The following PCMT1 variants were observed in gnomAD, a reference collection of about 807,000 sequenced individuals.
PCMT1 encodes the protein protein-L-isoaspartate(D-aspartate) O-methyltransferase.
PCMT1 carries 9 observed loss-of-function variants against 29.2 expected under a neutral mutation model. That is an observed-to-expected ratio of 0.31 (90% confidence interval 0.19 to 0.54). The LOEUF (loss-of-function observed/expected upper bound fraction) is 0.54, where lower values mean the gene tolerates loss of function less well. Among genes scored for constraint, PCMT1 ranks in the 20% least tolerant of loss-of-function variants. The probability of loss-of-function intolerance (pLI) is 0.95; values close to 1 mark genes in which losing one functional copy is unlikely to be tolerated. For synonymous variants in PCMT1, 98 were observed against 97.5 expected (o/e 1.00, Z -0.03); for missense variants, 184 against 282.2 (o/e 0.65, Z 2.49).
At chr6:149,789,327 CA>C (rs1394738408) in intron 3 of PCMT1, among the ~76,000 whole-genome samples, 10 of 152,034 alleles carry the variant, frequency 6.6e-5, no homozygotes, top group African/African-American at 2.4e-4. Context: ...CTACCTGCCT[CA>C]GCCTCCCAAA....
At chr6:149,779,703 A>C (rs1454183561) in intron 3 of PCMT1, among the ~76,000 whole-genome samples, 1 of 152,112 alleles carries the variant, frequency 6.6e-6, no homozygotes, top group African/African-American at 2.4e-5. Context: ...CCAGCTACTC[A>C]GGAGCCTGAG....
intron 5 of PCMT1, among the ~76,000 whole-genome samples, chr6:149,794,449 C>T (rs901357017): frequency 1.3e-5 from 2 of 152,074 alleles, no homozygotes; most frequent in Non-Finnish European, 2.9e-5. Flanking sequence ...GAAACTCCGT[C>T]TCTACTAAAA....
chr6:149,799,887 G>T (rs1788756612), intron 6 of PCMT1, among the ~76,000 whole-genome samples: 1 of 152,132 alleles, frequency 6.6e-6, no homozygotes, highest in Non-Finnish European at 1.5e-5. Context: ...AACTAGAAAT[G>T]ATTTTAATAA....
rs527747421 is a variant in PCMT1, at chr6:149,779,070, G to A, written c.192+5901G>A. On this transcript the variant is annotated intron_variant, in intron 3 of 7. Coordinates refer to ENST00000464889, the MANE Select transcript of PCMT1 (RefSeq NM_001360452.2). The stretch of plus-strand genomic sequence containing the variant: ...ACCCCCCCACTCTGGTGCGGGGCCC[G>A]GGTTGAGAGAGAATATTAACTGCTT... 1.2e-4 allele frequency among the ~76,000 whole-genome samples: 19 copies of A among 152,156 alleles called. No individual in the cohort carries two copies. In the South Asian group the frequency reaches 2.5e-3, roughly 20 times the overall value.
At chr6:149,765,798 C>A (rs529056767) in intron 1 of PCMT1, 89 of 224,600 alleles carry the variant, frequency 4.0e-4, no homozygotes, top group African/African-American at 1.9e-3. Flanking sequence ...GAAACTCTGC[C>A]TGTACTAAAA....
intron 1 of PCMT1, among the ~76,000 whole-genome samples, chr6:149,753,044 C>T (rs968842514): frequency 6.6e-6 from 1 of 151,944 alleles, no homozygotes; most frequent in African/African-American, 2.4e-5. Flanking sequence ...GTTGTTTAGC[C>T]TCTTTTGTAA....
intron 1 of PCMT1, among the ~76,000 whole-genome samples, chr6:149,766,098 T>C (rs1261170139): frequency 6.6e-6 from 1 of 152,124 alleles, no homozygotes; most frequent in Non-Finnish European, 1.5e-5. Flanking sequence ...CTCCTCCCAT[T>C]GTTTTTAGTT....
intron 1 of PCMT1, among the ~76,000 whole-genome samples, chr6:149,767,547 A>G (rs62441303): frequency 0.54 from 80,970 of 150,990 alleles, 24,783 homozygotes; most frequent in East Asian, 0.83. Flanking sequence ...TGACCTCCCA[A>G]GCTCAAGCAA....
chr6:149,773,454 C>T (rs189714682), intron 3 of PCMT1, among the ~76,000 whole-genome samples: 9 of 152,316 alleles, frequency 5.9e-5, no homozygotes, highest in Admixed American at 2.6e-4. Context: ...TCTCGGCTCA[C>T]TGCAACCTCC....
At chr6:149,750,000 G>C in intron 1 of PCMT1, 44 bp downstream of exon 1, 2 of 1,580,080 alleles carry the variant, frequency 1.3e-6, no homozygotes, top group African/African-American at 2.7e-5. Context: ...GGGGCAGGCT[G>C]GGCCTGGACC....
At chr6:149,784,835 C>T (rs1024691223) in intron 3 of PCMT1, among the ~76,000 whole-genome samples, 1 of 152,154 alleles carries the variant, frequency 6.6e-6, no homozygotes, top group South Asian at 2.1e-4. Context: ...TCCCTGGATA[C>T]TTTATTATAA....
At chr6:149,794,585 T>TACAA (rs1174234278) in intron 5 of PCMT1, among the ~76,000 whole-genome samples, 6 of 152,044 alleles carry the variant, frequency 3.9e-5, no homozygotes, top group Non-Finnish European at 5.9e-5. Flanking sequence ...ACCACTGAAC[T>TACAA]ACAGTCTGGC....
At chr6:149,777,040 A>G (rs1474395892) in intron 3 of PCMT1, among the ~76,000 whole-genome samples, 1 of 152,182 alleles carries the variant, frequency 6.6e-6, no homozygotes, top group Non-Finnish European at 1.5e-5. Flanking sequence ...ATGTCCACAA[A>G]TGGTGGATGG....
At chr6:149,787,565 G>C (rs1343834462) in intron 3 of PCMT1, among the ~76,000 whole-genome samples, 1 of 152,020 alleles carries the variant, frequency 6.6e-6, no homozygotes, top group Non-Finnish European at 1.5e-5. Context: ...GTTTCATCAT[G>C]TTGGGCAGGC....
At position 149,749,836 on chromosome 6, in the gene PCMT1, G is replaced by A. The variant is rs1460733855; in HGVS notation, c.-66G>A. 2 of 1,569,284 alleles carry A rather than the reference G, an allele frequency of 1.3e-6. No individual in the cohort carries two copies. Among genetic ancestry groups the A allele is most frequent in the Non-Finnish European group, 1.7e-6 (2 of 1,156,818 alleles). ...GGTGTGGGAGGTGGTCTCACTCTTG[G>A]GAAAACTGCTGGGCACCGTCGTCGC... is the stretch of plus-strand genomic sequence containing the variant. On this transcript the variant is annotated 5_prime_UTR_variant, in exon 1 of 8. Transcript: ENST00000464889.
At chr6:149,757,140 C>T (rs985910567) in intron 1 of PCMT1, among the ~76,000 whole-genome samples, 1 of 151,696 alleles carries the variant, frequency 6.6e-6, no homozygotes, top group Non-Finnish European at 1.5e-5. Flanking sequence ...GGTGAAAAAG[C>T]GAAACTGCCT....
intron 3 of PCMT1, among the ~76,000 whole-genome samples, chr6:149,783,694 C>CT (rs1179390420): frequency 9.9e-5 from 15 of 151,198 alleles, no homozygotes; most frequent in South Asian, 2.1e-4. Context: ...GGACAGGACT[C>CT]TTTTTTTTTC....
chr6:149,775,541 A>T (rs1787527886), intron 3 of PCMT1, among the ~76,000 whole-genome samples: 1 of 152,064 alleles, frequency 6.6e-6, no homozygotes, highest in Non-Finnish European at 1.5e-5. Flanking sequence ...CTCTGTCTCT[A>T]CAAAAAATTT....
chr6:149,779,297 G>A (rs938029965), intron 3 of PCMT1, among the ~76,000 whole-genome samples: 2 of 152,010 alleles, frequency 1.3e-5, no homozygotes, highest in Admixed American at 6.6e-5. Flanking sequence ...CTTTGATCTC[G>A]CTTCTGCAAG....
Sources: gnomAD v4.1 joint callset for allele counts (sites outside exome capture counted in the v4.1 genomes callset) on GRCh38, gnomAD v4.1.1 for gene constraint, MANE v1.5 for transcripts, NCBI Gene and HGNC (gene_info 2026-07-23, HGNC 2026-07-21) for gene names.